Variants in RORA observed in about 807,000 individuals in gnomAD.
RORA encodes RAR related orphan receptor A, also known as nuclear receptor ROR-alpha.
A neutral mutation model predicts 69.5 loss-of-function variants in RORA; 7 were observed. That is an observed-to-expected ratio of 0.10 (90% CI 0.06 to 0.19). The LOEUF (loss-of-function observed/expected upper bound fraction) is 0.19, where lower values mean the gene tolerates loss of function less well. Ranked by LOEUF, RORA falls within the 10% of genes least tolerant of loss-of-function variation. The probability of loss-of-function intolerance (pLI) is 1.00; values close to 1 mark genes in which losing one functional copy is unlikely to be tolerated. For synonymous variants in RORA, 261 were observed against 240.8 expected (o/e 1.08, Z -0.78); for missense variants, 457 against 663.0 (o/e 0.69, Z 3.41).
intron 1 of RORA, among the ~76,000 whole-genome samples, chr15:60,961,841 T>C (rs1217360923): frequency 1.3e-5 from 2 of 152,208 alleles, no homozygotes; most frequent in Non-Finnish European, 2.9e-5. Context: ...TCATCAGGTT[T>C]ATGGTTCCTG....
At chr15:60,946,380 G>A (rs994840014) in intron 1 of RORA, among the ~76,000 whole-genome samples, 1 of 152,148 alleles carries the variant, frequency 6.6e-6, no homozygotes, top group Admixed American at 6.5e-5. Context: ...TGATTCTTCT[G>A]CCTCAGCCTG....
At chr15:60,573,588 A>G (rs905422398) in intron 2 of RORA, among the ~76,000 whole-genome samples, 2 of 152,212 alleles carry the variant, frequency 1.3e-5, no homozygotes, top group African/African-American at 4.8e-5. Flanking sequence ...AATGAGGGTG[A>G]GAGCCTGTCA....
intron 10 of RORA, among the ~76,000 whole-genome samples, chr15:60,498,007 C>T (rs564885246): frequency 2.8e-4 from 43 of 151,938 alleles, no homozygotes; most frequent in African/African-American, 1.0e-3. Context: ...TTCAGTGAGC[C>T]GTGATCGTGC....
rs566060370 is a variant in RORA, at chr15:61,004,247, GGA to G, written c.166+224804_166+224805del. Among the ~76,000 whole-genome samples, 477 of 151,246 alleles carry G rather than the reference GGA, an allele frequency of 3.2e-3. 2 individuals carry two copies. Among genetic ancestry groups the G allele is most frequent in the African/African-American group, 0.011 (456 of 41,172 alleles). Reference sequence around the variant, plus strand: ...AGAGGGGAGGAGTAGAAAGAAATGGGGAGAGAGAGGAGAGAGAAGAGAGAGGG... The same window carrying G: ...AGAGGGGAGGAGTAGAAAGAAATGGGGAGAGAGGAGAGAGAAGAGAGAGGG... On this transcript the variant is annotated intron_variant, in intron 1 of 10. Transcript: ENST00000335670.
intron 1 of RORA, among the ~76,000 whole-genome samples, chr15:60,936,795 G>C (rs1359909280): frequency 1.3e-5 from 2 of 152,226 alleles, no homozygotes; most frequent in African/African-American, 4.8e-5. Context: ...AAATGTGTAA[G>C]ACAGACATTT....
At chr15:61,167,862 A>C (rs1302213735) in intron 1 of RORA, among the ~76,000 whole-genome samples, 1 of 151,986 alleles carries the variant, frequency 6.6e-6, no homozygotes, top group Non-Finnish European at 1.5e-5. Context: ...TCCCTGTATT[A>C]CAGCCACACT....
At chr15:60,852,703 C>A (rs1274758387) in intron 1 of RORA, among the ~76,000 whole-genome samples, 1 of 152,050 alleles carries the variant, frequency 6.6e-6, no homozygotes, top group East Asian at 1.9e-4. Context: ...TGTCTGCAGC[C>A]TGGAAGGGAA....
chr15:60,687,269 T>C (rs1261159896), intron 1 of RORA, among the ~76,000 whole-genome samples: 1 of 152,220 alleles, frequency 6.6e-6, no homozygotes, highest in Non-Finnish European at 1.5e-5. Context: ...TGACCAGTTA[T>C]TTCCTGATAT....
intron 1 of RORA, among the ~76,000 whole-genome samples, chr15:61,206,165 T>C (rs2079939263): frequency 4.6e-5 from 2 of 43,520 alleles, no homozygotes; most frequent in East Asian, 4.2e-4. Flanking sequence ...TCATTGAGGA[T>C]GCAGATAATA....
intron 5 of RORA, among the ~76,000 whole-genome samples, chr15:60,509,491 G>C (rs1342411874): frequency 6.6e-6 from 1 of 152,164 alleles, no homozygotes; most frequent in East Asian, 1.9e-4. Flanking sequence ...GCCATTTCTG[G>C]CCCCACTTCG....
chr15:60,554,302 G>T (rs1411927554), intron 2 of RORA, among the ~76,000 whole-genome samples: 1 of 152,170 alleles, frequency 6.6e-6, no homozygotes, highest in Non-Finnish European at 1.5e-5. Context: ...TTATATGGAA[G>T]TGTAACAGTT....
chr15:61,140,262 C>CA (rs1178955567), intron 1 of RORA, among the ~76,000 whole-genome samples: 2 of 152,154 alleles, frequency 1.3e-5, no homozygotes, highest in Non-Finnish European at 2.9e-5. Flanking sequence ...AAATTTTCAG[C>CA]AATACCATGA....
intron 2 of RORA, among the ~76,000 whole-genome samples, chr15:60,594,101 C>A (rs2068615340): frequency 2.6e-5 from 4 of 151,522 alleles, no homozygotes; most frequent in African/African-American, 7.3e-5. Context: ...ATTTTTCCCC[C>A]AAAAAAAACT....
At chr15:61,010,541 C>A (rs985643532) in intron 1 of RORA, among the ~76,000 whole-genome samples, 5 of 152,126 alleles carry the variant, frequency 3.3e-5, no homozygotes, top group African/African-American at 1.2e-4. Flanking sequence ...AATGCACAGG[C>A]ATACAATCCA....
At chr15:60,547,515 C>T (rs1339438262) in intron 2 of RORA, among the ~76,000 whole-genome samples, 16 of 151,610 alleles carry the variant, frequency 1.1e-4, no homozygotes, top group Non-Finnish European at 2.1e-4. Context: ...TTAGTAGAGA[C>T]GGGTTTCTCC....
At chr15:61,060,695 T>C (rs886682627) in intron 1 of RORA, among the ~76,000 whole-genome samples, 3 of 152,136 alleles carry the variant, frequency 2.0e-5, no homozygotes, top group Non-Finnish European at 4.4e-5. Flanking sequence ...CCTCACTCTT[T>C]CTAGTGAAAG....
intron 1 of RORA, among the ~76,000 whole-genome samples, chr15:61,093,612 C>A (rs1257642764): frequency 6.6e-6 from 1 of 152,200 alleles, no homozygotes; most frequent in Non-Finnish European, 1.5e-5. Context: ...GATGGGTCAA[C>A]AATAAGTAAG....
intron 1 of RORA, among the ~76,000 whole-genome samples, chr15:61,005,081 T>C (rs1259885813): frequency 6.6e-6 from 1 of 152,174 alleles, no homozygotes; most frequent in Non-Finnish European, 1.5e-5. Flanking sequence ...CAGTAGGATG[T>C]TCATCACAGC....
At chr15:60,894,633 G>C (rs1891181947) in intron 1 of RORA, among the ~76,000 whole-genome samples, 2 of 152,198 alleles carry the variant, frequency 1.3e-5, no homozygotes, top group Admixed American at 1.3e-4. Flanking sequence ...ATCACCTGGA[G>C]AGTTTGTGAA....
Sources: gnomAD v4.1 joint callset for allele counts (sites outside exome capture counted in the v4.1 genomes callset) on GRCh38, gnomAD v4.1.1 for gene constraint, MANE v1.5 for transcripts, NCBI Gene and HGNC (gene_info 2026-07-23, HGNC 2026-07-21) for gene names.